The following MCF2L variants were observed in gnomAD, a reference collection of about 807,000 sequenced individuals.
MCF2L encodes MCF.2 cell line derived transforming sequence like, also known as guanine nucleotide exchange factor DBS.
Under a neutral mutation model 153.4 loss-of-function variants are expected in MCF2L, and 97 were observed. The ratio of observed to expected loss-of-function variants is 0.63; its 90% CI spans 0.54 to 0.75. The LOEUF is 0.75. Ranked by LOEUF, MCF2L falls within the 30% of genes least tolerant of loss-of-function variation. MCF2L has a pLI of 0.00. For missense variants in MCF2L, 1,347 were observed against 1,495.2 expected (o/e 0.90, Z 1.64); for synonymous variants, 659 against 632.2 (o/e 1.04, Z -0.64).
chr13:113,003,501 G>A (rs930114340), intron 1 of MCF2L, among the ~76,000 whole-genome samples: 6 of 152,106 alleles, frequency 3.9e-5, no homozygotes, highest in Non-Finnish European at 1.5e-5. Context: ...GTGTGAGCAG[G>A]GGTAGGTGGC....
At position 113,044,978 on chromosome 13, in the gene MCF2L, G is replaced by A. The variant is rs2086718825; in HGVS notation, c.279-293G>A. The A allele has an allele frequency of 2.0e-6, 3 of 1,507,442 alleles. No individual in the cohort carries two copies. The South Asian group carries it at 3.6e-5, about 18-fold the overall frequency. 93.4% of individuals were successfully genotyped at this position (1,507,442 alleles called of 1,614,324 possible). ...CGGCTCTTACTGTGGAATAGCAAATGACTGAGCTCGGGAGAGATGGTTCTG... is the reference window on the plus strand; with the variant it reads ...CGGCTCTTACTGTGGAATAGCAAATAACTGAGCTCGGGAGAGATGGTTCTG... On this transcript the variant is annotated intron_variant, in intron 3 of 29. Coordinates refer to ENST00000535094, the MANE Select transcript of MCF2L (RefSeq NM_001112732.3).
At chr13:113,094,735 G>A in intron 27 of MCF2L, 100 bp downstream of exon 27, 3 of 1,413,436 alleles carry the variant, frequency 2.1e-6, no homozygotes, top group Non-Finnish European at 9.5e-7. Context: ...TTAGGACACA[G>A]CCCCAGCTCC....
At chr13:113,001,645 G>C in intron 1 of MCF2L, 1 of 1,295,238 alleles carries the variant, frequency 7.7e-7, no homozygotes, top group Non-Finnish European at 9.8e-7. Context: ...CCGGGGCTCA[G>C]CTGTCGCCAG....
chr13:112,929,678 G>A (rs562202882), intron 2 of MCF2L, among the ~76,000 whole-genome samples: 18 of 152,336 alleles, frequency 1.2e-4, no homozygotes, highest in African/African-American at 3.8e-4. Context: ...GCTGGCCACA[G>A]CATCCTGAGC....
At chr13:112,962,208 C>CG (rs1177501077) in intron 2 of MCF2L, among the ~76,000 whole-genome samples, 1 of 89,660 alleles carries the variant, frequency 1.1e-5, no homozygotes, top group African/African-American at 3.8e-5. Flanking sequence ...TGCTCACACA[C>CG]TTGCACACAG....
chr13:112,917,516 C>A, intron 2 of MCF2L: 1 of 296,046 alleles, frequency 3.4e-6, no homozygotes, highest in Non-Finnish European at 6.6e-6. Flanking sequence ...AAGCGGTGAC[C>A]TCTCGAAGGT....
intron 2 of MCF2L, among the ~76,000 whole-genome samples, chr13:112,947,345 A>C (rs1424300277): frequency 1.3e-5 from 2 of 152,188 alleles, no homozygotes; most frequent in Admixed American, 1.3e-4. Flanking sequence ...ATACCCCAAA[A>C]GTCTTAGCTC....
intron 1 of MCF2L, among the ~76,000 whole-genome samples, chr13:112,973,537 C>G (rs765329724): frequency 6.6e-6 from 1 of 152,206 alleles, no homozygotes; most frequent in Non-Finnish European, 1.5e-5. Context: ...GTGTTGCTGA[C>G]CTTCTGTGAT....
chr13:113,065,566 ACAGCG>A (rs2032239243), intron 7 of MCF2L, among the ~76,000 whole-genome samples: 1 of 152,222 alleles, frequency 6.6e-6, no homozygotes, highest in Non-Finnish European at 1.5e-5. Context: ...TCACGTGTCC[ACAGCG>A]CTTGCTGGAA....
intron 5 of MCF2L, among the ~76,000 whole-genome samples, chr13:113,062,844 G>A (rs2031736983): frequency 6.6e-6 from 1 of 152,228 alleles, no homozygotes; most frequent in Non-Finnish European, 1.5e-5. Flanking sequence ...GACAAGGCGT[G>A]TGTAGAGGAG....
At chr13:112,922,057 A>T (rs1362560141) in intron 2 of MCF2L, among the ~76,000 whole-genome samples, 1 of 152,206 alleles carries the variant, frequency 6.6e-6, no homozygotes, top group Admixed American at 6.5e-5. Context: ...GCCCCAGCTC[A>T]CAGTGAATGG....
At chr13:113,007,407 T>A (rs1218096746) in intron 1 of MCF2L, among the ~76,000 whole-genome samples, 1 of 152,218 alleles carries the variant, frequency 6.6e-6, no homozygotes, top group African/African-American at 2.4e-5. Flanking sequence ...CCGTGTCACC[T>A]GGGAGCCTCA....
At chr13:112,949,122 T>C (rs1057251291) in intron 2 of MCF2L, among the ~76,000 whole-genome samples, 2 of 152,238 alleles carry the variant, frequency 1.3e-5, no homozygotes, top group African/African-American at 4.8e-5. Flanking sequence ...TGCAAACAAC[T>C]GTATACACAT....
At chr13:113,007,383 C>A (rs747286033) in intron 1 of MCF2L, among the ~76,000 whole-genome samples, 5 of 152,230 alleles carry the variant, frequency 3.3e-5, no homozygotes, top group Non-Finnish European at 7.3e-5. Flanking sequence ...GGGTCTAACC[C>A]CTGACCCCAG....
At chr13:113,080,954 C>T (rs905298791) in intron 15 of MCF2L, among the ~76,000 whole-genome samples, 4 of 152,192 alleles carry the variant, frequency 2.6e-5, no homozygotes, top group African/African-American at 9.6e-5. Flanking sequence ...TCCTACCAGG[C>T]GGTGTGTGCC....
At chr13:112,982,637 C>T (rs1012430395) in intron 1 of MCF2L, among the ~76,000 whole-genome samples, 3 of 152,078 alleles carry the variant, frequency 2.0e-5, no homozygotes, top group African/African-American at 7.2e-5. Flanking sequence ...GGCCTGCTCT[C>T]GCGTGCTGTG....
intron 2 of MCF2L, among the ~76,000 whole-genome samples, chr13:112,928,242 C>G (rs957762016): frequency 6.6e-6 from 1 of 152,218 alleles, no homozygotes; most frequent in Non-Finnish European, 1.5e-5. Flanking sequence ...AACGTTGTTG[C>G]AGTCATTGCA....
At chr13:113,018,503 C>A (rs934250648) in intron 2 of MCF2L, among the ~76,000 whole-genome samples, 2 of 152,210 alleles carry the variant, frequency 1.3e-5, no homozygotes, top group Non-Finnish European at 2.9e-5. Flanking sequence ...CCGTTTGACT[C>A]TTTCTTACTG....
chr13:112,966,736 A>G (rs1229170324), upstream of MCF2L, among the ~76,000 whole-genome samples: 1 of 152,218 alleles, frequency 6.6e-6, no homozygotes, highest in Non-Finnish European at 1.5e-5. This position sits in a 1 kb window ranked among gnomAD's most constrained non-coding sequence, Gnocchi z 4.1. Context: ...GAAGAGGGAG[A>G]TCGGAGAAGC....
Sources: allele counts gnomAD v4.1 joint callset (sites outside exome capture counted in the v4.1 genomes callset), GRCh38; gene constraint gnomAD v4.1.1; non-coding constraint Gnocchi (gnomAD v3.1); transcripts MANE v1.5; gene names NCBI Gene and HGNC (gene_info 2026-07-23, HGNC 2026-07-21).